The following NOBOX variants were observed in gnomAD, a reference collection of about 807,000 sequenced individuals.
The protein encoded by NOBOX is NOBOX oogenesis homeobox.
Under a neutral mutation model 60.2 loss-of-function variants are expected in NOBOX, and 46 were observed. The ratio of observed to expected loss-of-function variants is 0.76; its 90% CI spans 0.60 to 0.98. The LOEUF is 0.98. Among genes scored for constraint, NOBOX ranks in the 50% least tolerant of loss-of-function variants. The pLI is 0.00. For missense variants in NOBOX, 880 were observed against 865.5 expected (o/e 1.02, Z -0.21); for synonymous variants, 360 against 346.3 (o/e 1.04, Z -0.44).
In NOBOX at chr7:144,404,609, T is replaced by A; in HGVS notation, c.157A>T (p.Ser53Cys). The change falls in exon 2 of 10, where the codon AGC becomes TGC. Residue 53 changes from serine (S) to cysteine (C), a missense_variant. Ser to Cys is a moderately radical substitution (Grantham distance 112). Transcript: ENST00000467773. ...CTGCACCGGATGATGAAGAAGGAGC[T>A]GAAAGAGCCACAGACTCCGTAGATC... 6.2e-7 allele frequency: 1 copy of A among 1,613,894 alleles called. No homozygotes were observed. Among genetic ancestry groups the A allele is most frequent in the Admixed American group, 1.7e-5 (1 of 60,016 alleles).
In NOBOX at chr7:144,404,549, C is replaced by G. The variant is rs371511426; in HGVS notation, c.210+7G>C. The G allele has an allele frequency of 1.4e-4, 225 of 1,612,938 alleles. 1 individual carries two copies. The South Asian group carries it at 1.6e-3, about 12-fold the overall frequency. On this transcript the variant is annotated splice_region_variant and intron_variant, in intron 2 of 9. Coordinates refer to ENST00000467773, the MANE Select transcript of NOBOX (RefSeq NM_001080413.3). Reference sequence around the variant, plus strand: ...CAGGCGTGAGCCACAGCGCTCGCCCCCCGTACTGATTTGAGGGTCTCCAGA... The same window carrying G: ...CAGGCGTGAGCCACAGCGCTCGCCCGCCGTACTGATTTGAGGGTCTCCAGA...
intron 1 of NOBOX, among the ~76,000 whole-genome samples, chr7:144,409,752 A>AT (rs1455389736): frequency 6.6e-6 from 1 of 152,142 alleles, no homozygotes; most frequent in East Asian, 1.9e-4. Context: ...CTCCCTCTAG[A>AT]TTTTTTTAAT....
chr7:144,398,666 C>T (rs1257972076), intron 8 of NOBOX, 80 bp from the exon 7 acceptor site: 3 of 984,848 alleles, frequency 3.0e-6, no homozygotes, highest in African/African-American at 1.6e-5. Context: ...GAGTCCCTAC[C>T]TCTCGCCTCC....
At chr7:144,400,973 G>A in intron 4 of NOBOX, 73 bp downstream of exon 2, 1 of 1,314,388 alleles carries the variant, frequency 7.6e-7, no homozygotes. Flanking sequence ...CCTGGGGGTA[G>A]ATTCTTCACA....
At position 144,398,276 on chromosome 7, in the gene NOBOX, A is replaced by G. The variant is rs1381001735; in HGVS notation, c.1774+6T>C. On this transcript the variant is annotated splice_donor_region_variant and intron_variant, in intron 9 of 9. Transcript: ENST00000467773. ...AAGGGGACCTTCTCTCCCAGCCTCA[A>G]CTCACCTATATTCCCAGCAGGTGGT... 2.0e-6 allele frequency: 3 copies of G among 1,537,000 alleles called. No homozygotes were observed. Among genetic ancestry groups the G allele is most frequent in the Admixed American group, 2.0e-5 (1 of 50,994 alleles).
chr7:144,397,485 A>C lies in NOBOX; in HGVS notation c.1831T>G (p.Cys611Gly), dbSNP rs558592169. The C allele has an allele frequency of 3.1e-5, 48 of 1,537,118 alleles. No homozygotes were observed. Among genetic ancestry groups the C allele is most frequent in the Admixed American group, 5.9e-5 (3 of 51,000 alleles). Residue 611 changes from cysteine to glycine, a missense_variant, in exon 10 of 10, where the codon TGC (cysteine) becomes GGC (glycine). Coordinates refer to ENST00000467773, the MANE Select transcript of NOBOX (RefSeq NM_001080413.3). ...GGGGGATGCCCCAGAGCTTGTGGGC[A>C]GAACGGACCAGGGAAGGGCAGCTCT...
chr7:144,399,931 T>C (rs1036473048), intron 5 of NOBOX, 68 bp from the exon 4 acceptor site: 1 of 1,378,712 alleles, frequency 7.3e-7, no homozygotes, highest in African/African-American at 1.4e-5. Context: ...GTCCTGGCTG[T>C]TGCACAAGGA....
rs759216900 is a variant in NOBOX, at chr7:144,404,518, G to A, written c.210+38C>T. The A allele has an allele frequency of 5.7e-6, 9 of 1,582,076 alleles. No individual in the cohort carries two copies. In the South Asian group the frequency reaches 5.7e-5, roughly 10 times the overall value. On this transcript the variant is annotated intron_variant, in intron 2 of 9. Transcript: ENST00000467773. ...CCCGCCTGGGCTTCCCAAACTGCTG[G>A]AATTACAGGCGTGAGCCACAGCGCT...
At chr7:144,398,901 C>T in intron 8 of NOBOX, 49 bp downstream of exon 6, 1 of 1,049,442 alleles carries the variant, frequency 9.5e-7, no homozygotes, top group Non-Finnish European at 1.4e-6. Flanking sequence ...CTACACCCCC[C>T]TACCCCCACC....
rs769831482 is a variant in NOBOX at position 144,401,375 on chromosome 7, G to A, written c.515C>T (p.Thr172Ile). 4.3e-6 allele frequency: 7 copies of A among 1,613,804 alleles called. No individual in the cohort carries two copies. In the East Asian group the frequency reaches 1.6e-4, roughly 36 times the overall value. Reference sequence around the variant, plus strand: ...AGTCTGGGGCCTGGAGCGGGCTAGAGTTCTGTCTTTGTGGGGAGCCCTGGA... The same window carrying A: ...AGTCTGGGGCCTGGAGCGGGCTAGAATTCTGTCTTTGTGGGGAGCCCTGGA... The change falls in exon 4 of 10, where the codon ACT (threonine) becomes ATT (isoleucine). Residue 172 changes from threonine (T) to isoleucine (I), a missense_variant. Coordinates refer to ENST00000467773, the MANE Select transcript of NOBOX (RefSeq NM_001080413.3). This position sits in a 1 kb window ranked among gnomAD's most constrained non-coding sequence, Gnocchi z 4.2.
intron 1 of NOBOX, among the ~76,000 whole-genome samples, chr7:144,407,449 G>A (rs2053993448): frequency 6.6e-6 from 1 of 152,216 alleles, no homozygotes; most frequent in Non-Finnish European, 1.5e-5. Flanking sequence ...GTCACAGCAA[G>A]GTATGGGAGG....
chr7:144,400,655 G>A (rs2053931081), intron 4 of NOBOX, among the ~76,000 whole-genome samples: 1 of 152,200 alleles, frequency 6.6e-6, no homozygotes, highest in Middle Eastern at 3.4e-3. Flanking sequence ...CCCCTGCTTC[G>A]ACCTACCAAA....
intron 1 of NOBOX, among the ~76,000 whole-genome samples, chr7:144,409,887 T>A (rs2054009927): frequency 6.6e-6 from 1 of 152,218 alleles, no homozygotes; most frequent in Non-Finnish European, 1.5e-5. Context: ...GTCGTAAACC[T>A]GACAGCCAGC....
At chr7:144,404,455 G>T in intron 2 of NOBOX, 6 of 1,000,214 alleles carry the variant, frequency 6.0e-6, no homozygotes, top group Non-Finnish European at 9.1e-6. Flanking sequence ...CACCACGTTG[G>T]CTAGGCTGGG....
intron 2 of NOBOX, among the ~76,000 whole-genome samples, chr7:144,403,128 T>A (rs1365604330): frequency 6.6e-6 from 1 of 152,132 alleles, no homozygotes; most frequent in Non-Finnish European, 1.5e-5. Context: ...AGTCCTTTCC[T>A]AGGACACAGG....
chr7:144,409,447 A>G (rs890766241), intron 1 of NOBOX, among the ~76,000 whole-genome samples: 7 of 152,202 alleles, frequency 4.6e-5, no homozygotes, highest in Non-Finnish European at 1.0e-4. Flanking sequence ...CATTTTTTCC[A>G]TTATTGCTGT....
Position 144,401,170 on chromosome 7 carries a change from C to A in NOBOX, c.720G>T (p.Gly240=), listed in dbSNP as rs1377744750. 5.0e-6 allele frequency: 8 copies of A among 1,612,412 alleles called. No homozygotes were observed. The highest frequency in any genetic ancestry group is 1.1e-5 in the South Asian group (1 of 90,880). The change falls in exon 4 of 10, where the codon GGG becomes GGT. Residue 240 remains glycine, a synonymous_variant. Coordinates refer to ENST00000467773, the MANE Select transcript of NOBOX (RefSeq NM_001080413.3). This position sits in a 1 kb window ranked among gnomAD's most constrained non-coding sequence, Gnocchi z 4.2. ...TGAGGAGATTGGCCAGGTGGCAGGG[C>A]CCCCGGCCTGACCCACAGGGCACTG...
chr7:144,409,174 A>T (rs2128864027), intron 1 of NOBOX, among the ~76,000 whole-genome samples: 1 of 152,364 alleles, frequency 6.6e-6, no homozygotes. Context: ...GTTTTGGTAT[A>T]GTAGCATTAT....
At chr7:144,406,431 G>A (rs972645085) in intron 1 of NOBOX, among the ~76,000 whole-genome samples, 2 of 152,128 alleles carry the variant, frequency 1.3e-5, no homozygotes, top group Admixed American at 6.5e-5. Flanking sequence ...GGTGGCACAC[G>A]CCTGTAATCC....
Sources: allele counts gnomAD v4.1 joint callset (sites outside exome capture counted in the v4.1 genomes callset), GRCh38; gene constraint gnomAD v4.1.1; non-coding constraint Gnocchi (gnomAD v3.1); transcripts MANE v1.5; gene names NCBI Gene and HGNC (gene_info 2026-07-23, HGNC 2026-07-21).